The following KCNQ5 variants were observed in gnomAD, a reference collection of about 807,000 sequenced individuals.
The protein encoded by KCNQ5 is potassium voltage-gated channel subfamily KQT member 5.
In KCNQ5, 30 loss-of-function variants were observed where a neutral mutation model predicts 98.2. The observed-to-expected ratio is 0.31, with a 90% CI of 0.23 to 0.41. The LOEUF is 0.41. KCNQ5 is among the 10% of genes least tolerant of loss of function. KCNQ5 has a pLI of 1.00. For missense variants in KCNQ5, 835 were observed against 1,182.5 expected, an observed-to-expected ratio of 0.71 and a Z score of 4.31; for synonymous variants, 458 against 449.4, an observed-to-expected ratio of 1.02 and a Z score of -0.24.
chr6:72,928,406 C>T (rs1460256157), intron 1 of KCNQ5, among the ~76,000 whole-genome samples: 1 of 152,018 alleles, frequency 6.6e-6, no homozygotes. Flanking sequence ...CAATGTGTTT[C>T]ATAATTGCTA....
At chr6:72,947,367 A>G (rs928818146) in intron 1 of KCNQ5, among the ~76,000 whole-genome samples, 2 of 152,162 alleles carry the variant, frequency 1.3e-5, no homozygotes, top group African/African-American at 4.8e-5. Flanking sequence ...TATTCAAGCT[A>G]TACTTTATAG....
At chr6:72,783,619 G>A (rs905825828) in intron 1 of KCNQ5, among the ~76,000 whole-genome samples, 3 of 151,958 alleles carry the variant, frequency 2.0e-5, no homozygotes, top group Non-Finnish European at 4.4e-5. Context: ...TTTTATCCTC[G>A]ATATTGCCAG....
chr6:72,708,656 G>A (rs974236167), intron 1 of KCNQ5, among the ~76,000 whole-genome samples: 1 of 152,016 alleles, frequency 6.6e-6, no homozygotes, highest in Non-Finnish European at 1.5e-5. Flanking sequence ...TGAGTAGCTG[G>A]GACTATAAGC....
At chr6:72,656,823 T>C (rs1170472514) in intron 1 of KCNQ5, among the ~76,000 whole-genome samples, 2 of 152,182 alleles carry the variant, frequency 1.3e-5, no homozygotes, top group Admixed American at 6.6e-5. Flanking sequence ...CCATTGACCA[T>C]TGCATCTGGG....
chr6:72,840,327 T>C (rs771672275), intron 1 of KCNQ5, among the ~76,000 whole-genome samples: 21 of 152,320 alleles, frequency 1.4e-4, no homozygotes, highest in Non-Finnish European at 1.6e-4. Flanking sequence ...ATTTTAAAGA[T>C]CCTCCATAAT....
At chr6:73,182,186 A>C (rs1002185218) in intron 11 of KCNQ5, among the ~76,000 whole-genome samples, 1 of 152,136 alleles carries the variant, frequency 6.6e-6, no homozygotes, top group African/African-American at 2.4e-5. Context: ...AATCTAACCC[A>C]AGGGGCTTGT....
intron 2 of KCNQ5, among the ~76,000 whole-genome samples, chr6:73,029,952 T>C (rs1476346201): frequency 1.4e-5 from 2 of 141,034 alleles, no homozygotes; most frequent in Admixed American, 7.2e-5. Flanking sequence ...ATGGCATGAG[T>C]GGTCTTGAAT....
chr6:72,687,151 A>G (rs188284779), intron 1 of KCNQ5, among the ~76,000 whole-genome samples: 121 of 152,352 alleles, frequency 7.9e-4, no homozygotes, highest in African/African-American at 2.6e-3. Context: ...AGTAGCATCA[A>G]TACCAAGATC....
chr6:72,843,556 C>A (rs1776894751), intron 1 of KCNQ5, among the ~76,000 whole-genome samples: 1 of 152,132 alleles, frequency 6.6e-6, no homozygotes, highest in African/African-American at 2.4e-5. Context: ...AGCATTGAAT[C>A]TATAAGTTAC....
intron 3 of KCNQ5, among the ~76,000 whole-genome samples, chr6:73,059,507 C>A (rs1160875461): frequency 6.6e-6 from 1 of 152,040 alleles, no homozygotes; most frequent in East Asian, 1.9e-4. Context: ...ATCAAACCCC[C>A]ATAATATACA....
intron 5 of KCNQ5, among the ~76,000 whole-genome samples, chr6:73,092,031 G>A (rs985929496): frequency 5.9e-5 from 9 of 151,656 alleles, no homozygotes; most frequent in Non-Finnish European, 8.8e-5. Flanking sequence ...AGTTTTCCAT[G>A]TAGAGGTCTT....
At chr6:72,661,436 G>T (rs12374631) in intron 1 of KCNQ5, among the ~76,000 whole-genome samples, 26,581 of 151,972 alleles carry the variant, frequency 0.17, 2,450 homozygotes, top group Middle Eastern at 0.27. Flanking sequence ...GGTACAGGAG[G>T]TACTCTAGAA....
intron 1 of KCNQ5, among the ~76,000 whole-genome samples, chr6:72,776,847 C>T (rs114779032): frequency 1.5e-3 from 223 of 152,082 alleles, no homozygotes; most frequent in African/African-American, 4.8e-3. Context: ...TACAGTACAG[C>T]GTAGAAACAA....
intron 1 of KCNQ5, among the ~76,000 whole-genome samples, chr6:72,798,366 G>A (rs1774453156): frequency 6.6e-6 from 1 of 152,158 alleles, no homozygotes; most frequent in African/African-American, 2.4e-5. Flanking sequence ...CCTAATATGA[G>A]GTGATTCAGT....
Position 72,623,391 on chromosome 6 carries a change from A to AGTGTGTGTGTGTGTGTGTGT in KCNQ5, c.398+821_398+840dup, listed in dbSNP as rs1214797915. 7.6e-3 allele frequency among the ~76,000 whole-genome samples: 1,087 copies of AGTGTGTGTGTGTGTGTGTGT among 143,118 alleles called. 6 individuals are homozygous for AGTGTGTGTGTGTGTGTGTGT. The highest frequency in any genetic ancestry group is 0.018 in the Middle Eastern group (5 of 282). 93.9% of individuals were successfully genotyped at this position (143,118 alleles called of 152,430 possible). A position where few individuals can be genotyped will look rare whatever the true frequency, so the allele number is the denominator to read the frequency against. ...CCCCGTTTGTGGCGCGGAGTCAAAGAGTGTGTGTGTGTGTGTGTGTGTGTG... is the reference window on the plus strand; with the variant it reads ...CCCCGTTTGTGGCGCGGAGTCAAAGAGTGTGTGTGTGTGTGTGTGTGTGTGTGTGTGTGTGTGTGTGTGTG... On this transcript the variant is annotated intron_variant, in intron 1 of 13. Coordinates refer to ENST00000370398, the MANE Select transcript of KCNQ5 (RefSeq NM_019842.4).
At chr6:73,129,390 G>A (rs564641755) in intron 9 of KCNQ5, among the ~76,000 whole-genome samples, 6 of 152,128 alleles carry the variant, frequency 3.9e-5, no homozygotes, top group African/African-American at 1.2e-4. Context: ...AAGAACTTAC[G>A]TTTTCAAATT....
At chr6:72,996,435 T>C (rs1769301874) in intron 1 of KCNQ5, among the ~76,000 whole-genome samples, 1 of 152,162 alleles carries the variant, frequency 6.6e-6, no homozygotes, top group African/African-American at 2.4e-5. Flanking sequence ...GCAAATACAA[T>C]GTGAAATAGG....
chr6:72,772,204 T>C (rs1441597314), intron 1 of KCNQ5, among the ~76,000 whole-genome samples: 1 of 152,166 alleles, frequency 6.6e-6, no homozygotes, highest in Non-Finnish European at 1.5e-5. Flanking sequence ...CTATTACATA[T>C]CTTTTAAAAT....
chr6:73,141,461 A>G (rs937098915), intron 10 of KCNQ5, among the ~76,000 whole-genome samples: 1 of 152,212 alleles, frequency 6.6e-6, no homozygotes, highest in East Asian at 1.9e-4. Context: ...CTGAAGTTCC[A>G]CCTGGCTTTC....
Sources: allele counts gnomAD v4.1 joint callset (sites outside exome capture counted in the v4.1 genomes callset), GRCh38; gene constraint gnomAD v4.1.1; transcripts MANE v1.5; gene names NCBI Gene and HGNC (gene_info 2026-07-23, HGNC 2026-07-21).